Variants in FGF1 observed in about 807,000 individuals in gnomAD.
FGF1 encodes beta-endothelial cell growth factor.
FGF1 carries 9 observed loss-of-function variants against 13.4 expected under a neutral mutation model. The ratio of observed to expected loss-of-function variants is 0.67; its 90% CI spans 0.40 to 1.17. The LOEUF is 1.17. Among genes scored for constraint, FGF1 ranks in the 50% most tolerant of loss-of-function variants. The pLI is 0.01. For missense variants in FGF1, 156 were observed against 192.7 expected (o/e 0.81, Z 1.13); for synonymous variants, 93 against 79.0 (o/e 1.18, Z -0.94).
intron 1 of FGF1, among the ~76,000 whole-genome samples, chr5:142,618,463 G>A (rs565210218): frequency 2.6e-5 from 4 of 152,260 alleles, no homozygotes; most frequent in South Asian, 2.1e-4. Context: ...TTGATACAGC[G>A]CTTGAAAAAT....
chr5:142,659,919 C>CAA (rs1001600209), intron 1 of FGF1, among the ~76,000 whole-genome samples: 38 of 152,306 alleles, frequency 2.5e-4, no homozygotes, highest in African/African-American at 8.4e-4. Context: ...TTGCTCAGAT[C>CAA]AGAAGCTCTT....
At chr5:142,672,932 C>G (rs1486126278) in intron 1 of FGF1, among the ~76,000 whole-genome samples, 1 of 152,220 alleles carries the variant, frequency 6.6e-6, no homozygotes, top group Non-Finnish European at 1.5e-5. Context: ...TCACTTCTCT[C>G]TAAGCTTCAG....
intron 3 of FGF1, among the ~76,000 whole-genome samples, chr5:142,598,119 G>T (rs1358010001): frequency 6.6e-6 from 1 of 152,188 alleles, no homozygotes; most frequent in Non-Finnish European, 1.5e-5. Flanking sequence ...GTTGTTGGGG[G>T]TAGAAGGAGG....
exon 1 of FGF1, chr5:142,697,926 G>A (rs1386990669): frequency 6.6e-6 from 1 of 152,258 alleles, no homozygotes; most frequent in Non-Finnish European, 1.5e-5. Flanking sequence ...TTAGTAGGTT[G>A]GCCTCCTAGC....
chr5:142,694,724 C>T (rs537538723), intron 2 of FGF1, among the ~76,000 whole-genome samples: 4 of 152,284 alleles, frequency 2.6e-5, no homozygotes, highest in African/African-American at 9.6e-5. Flanking sequence ...AAAGCCTACC[C>T]TCTAGCCAAC....
intron 1 of FGF1, among the ~76,000 whole-genome samples, chr5:142,651,506 G>A (rs2151975921): frequency 6.6e-6 from 1 of 152,204 alleles, no homozygotes; most frequent in African/African-American, 2.4e-5. Flanking sequence ...TTATCACCCA[G>A]GGTCCATAGT....
chr5:142,637,257 G>C (rs182842268), intron 1 of FGF1, among the ~76,000 whole-genome samples: 68 of 151,786 alleles, frequency 4.5e-4, no homozygotes, highest in Admixed American at 2.0e-3. Context: ...AAGATGTGCT[G>C]CTTTGAGAAT....
intron 1 of FGF1, among the ~76,000 whole-genome samples, chr5:142,617,392 A>G: frequency 6.6e-6 from 1 of 152,004 alleles, no homozygotes; most frequent in East Asian, 1.9e-4. Context: ...CTTTTCTTCT[A>G]GATTCTAGAC....
intron 1 of FGF1, among the ~76,000 whole-genome samples, chr5:142,681,380 C>T (rs1773662942): frequency 6.6e-6 from 1 of 152,148 alleles, no homozygotes; most frequent in African/African-American, 2.4e-5. Context: ...GCTTGGGGCT[C>T]TGTTGTTAGC....
intron 2 of FGF1, among the ~76,000 whole-genome samples, chr5:142,692,660 GAC>G (rs146277733): frequency 1.2e-4 from 18 of 145,570 alleles, no homozygotes; most frequent in South Asian, 4.4e-4. Flanking sequence ...TATTCCCCAG[GAC>G]ACACACACAC....
chr5:142,693,090 A>T (rs1205764950), intron 2 of FGF1, among the ~76,000 whole-genome samples: 2 of 152,094 alleles, frequency 1.3e-5, no homozygotes, highest in African/African-American at 4.8e-5. Flanking sequence ...CCTGGTTTAG[A>T]CTCTAAGGAG....
intron 1 of FGF1, among the ~76,000 whole-genome samples, chr5:142,624,197 G>T (rs55716752): frequency 0.27 from 40,958 of 152,072 alleles, 6,281 homozygotes; most frequent in Non-Finnish European, 0.36. Context: ...TGGGATTACA[G>T]GCGTGAGCCA....
At position 142,693,330 on chromosome 5, in the gene FGF1, G is replaced by A. The variant is rs568209933; in HGVS notation, c.-35+4292C>T. Among the ~76,000 whole-genome samples the A allele has an allele frequency of 9.9e-5, 15 of 151,794 alleles. No individual in the cohort carries two copies. In the South Asian group the frequency reaches 1.0e-3, roughly 11 times the overall value. ...TTTTGAGACAGAGTCTCACTCTGTC[G>A]CCCAGGCTGGAGTGCAGTGGAGTGA... On this transcript the variant is annotated intron_variant, in intron 2 of 4. Coordinates refer to the FGF1 transcript ENST00000407758.
chr5:142,601,525 A>C (rs17099074), intron 2 of FGF1, among the ~76,000 whole-genome samples: 4,351 of 152,068 alleles, frequency 0.029, 205 homozygotes, highest in African/African-American at 0.098. Flanking sequence ...CTGGAAATGC[A>C]GTGATGAGAA....
chr5:142,692,410 T>C (rs923888755), intron 2 of FGF1, among the ~76,000 whole-genome samples: 1 of 152,328 alleles, frequency 6.6e-6, no homozygotes, highest in South Asian at 2.1e-4. Context: ...TCTCATTCTT[T>C]GCCTCAGCAG....
intron 3 of FGF1, among the ~76,000 whole-genome samples, chr5:142,599,287 G>A (rs1446502190): frequency 6.6e-6 from 1 of 152,188 alleles, no homozygotes; most frequent in African/African-American, 2.4e-5. Context: ...CAGGTGATCT[G>A]TACTGAGCAC....
intron 1 of FGF1, among the ~76,000 whole-genome samples, chr5:142,666,774 C>T (rs1439903382): frequency 6.6e-6 from 1 of 151,162 alleles, no homozygotes; most frequent in Non-Finnish European, 1.5e-5. Flanking sequence ...TTTATCTCTA[C>T]ATTTTTTTTT....
chr5:142,604,541 G>A (rs752189231), intron 2 of FGF1, among the ~76,000 whole-genome samples: 14 of 152,030 alleles, frequency 9.2e-5, no homozygotes, highest in African/African-American at 3.4e-4. Flanking sequence ...TGTGATCATC[G>A]GGCAAAGTAT....
At chr5:142,652,285 T>C (rs141687248) in intron 1 of FGF1, among the ~76,000 whole-genome samples, 3 of 152,288 alleles carry the variant, frequency 2.0e-5, no homozygotes, top group African/African-American at 7.2e-5. Context: ...GTTTTTGAAG[T>C]AGAGCCATTT....
Sources: allele counts gnomAD v4.1 joint callset (sites outside exome capture counted in the v4.1 genomes callset), GRCh38; gene constraint gnomAD v4.1.1; transcripts MANE v1.5; gene names NCBI Gene and HGNC (gene_info 2026-07-23, HGNC 2026-07-21).